DSCAML1: variants seen among roughly 807,000 people sequenced by gnomAD.
The protein encoded by DSCAML1 is cell adhesion molecule DSCAML1.
A neutral mutation model predicts 200.5 loss-of-function variants in DSCAML1; 38 were observed. That is an observed-to-expected ratio of 0.19 (90% CI 0.15 to 0.25). The LOEUF (loss-of-function observed/expected upper bound fraction) is 0.25. DSCAML1 is among the 10% of genes least tolerant of loss of function. The pLI is 1.00. For synonymous variants in DSCAML1, 1,215 were observed against 1,165.0 expected (o/e 1.04, Z -0.87); for missense variants, 2,223 against 2,858.8 (o/e 0.78, Z 5.07).
At chr11:117,627,823 C>A (rs2052086114) in intron 3 of DSCAML1, among the ~76,000 whole-genome samples, 1 of 152,058 alleles carries the variant, frequency 6.6e-6, no homozygotes, top group Non-Finnish European at 1.5e-5. Context: ...TGCCCACATG[C>A]CTCTATTTTT....
At chr11:117,451,349 C>A (rs2048278917) in intron 19 of DSCAML1, among the ~76,000 whole-genome samples, 1 of 152,266 alleles carries the variant, frequency 6.6e-6, no homozygotes, top group South Asian at 2.1e-4. Context: ...AGCTCACACT[C>A]CCTATCCTCA....
chr11:117,639,369 CGGATGGGTAGGAGGCT>C (rs2052355105), intron 3 of DSCAML1, among the ~76,000 whole-genome samples: 2 of 73,542 alleles, frequency 2.7e-5, no homozygotes, highest in East Asian at 3.8e-4. Flanking sequence ...GATGGGAGGC[CGGATGGGTAGGAGGCT>C]GGATGGATGG....
chr11:117,736,251 C>A (rs1483820575), intron 3 of DSCAML1, among the ~76,000 whole-genome samples: 3 of 152,182 alleles, frequency 2.0e-5, no homozygotes, highest in Non-Finnish European at 4.4e-5. Context: ...GAATTTGCGT[C>A]CAGCTTACTC....
intron 23 of DSCAML1, 128 bp from the exon 24 acceptor site, chr11:117,439,111 C>T (rs1202300457): frequency 1.5e-6 from 2 of 1,344,186 alleles, no homozygotes; most frequent in African/African-American, 2.9e-5. Flanking sequence ...CCCCAGCTCT[C>T]CTGCCTCCCC....
At chr11:117,436,014 A>G (rs1426770460) in intron 26 of DSCAML1, among the ~76,000 whole-genome samples, 1 of 152,214 alleles carries the variant, frequency 6.6e-6, no homozygotes, top group African/African-American at 2.4e-5. Flanking sequence ...ATTGCATTTT[A>G]TTAACAAAGT....
rs1288260247 is a variant in DSCAML1, at chr11:117,430,726, G to A, written c.5682C>T (p.Asn1894=). The change falls in exon 32 of 33, where the codon AAC becomes AAT. Residue 1894 remains asparagine, a synonymous_variant. Transcript: ENST00000651296. ...GGAGGTGGTCTGAGCACTCACTCTT[G>A]TTGGCCCGGTGAGGGATGGGCACAG... ...NVAVPIPHRA[N]KSDYCNLPLY... 2 of 1,610,756 alleles carry A rather than the reference G, an allele frequency of 1.2e-6. No individual in the cohort carries two copies. Among genetic ancestry groups the A allele is most frequent in the East Asian group, 2.2e-5 (1 of 44,876 alleles).
chr11:117,532,477 T>A lies in DSCAML1; in HGVS notation c.557A>T (p.Asp186Val). 1 of 1,614,204 alleles carries A rather than the reference T, an allele frequency of 6.2e-7. No homozygotes were observed. The highest frequency in any genetic ancestry group is 8.5e-7 in the Non-Finnish European group (1 of 1,180,026). Residue 186 changes from aspartate (D) to valine (V), a missense_variant, in exon 4 of 33, where the codon GAC becomes GTC. Asp to Val is a radical substitution (Grantham distance 152). Transcript: ENST00000651296. ...ITYHGGLYIS[D>V]VQKEDALSTY... ...GGAGAGGGCGTCCTCCTTCTGTACGTCAGAGATGTACAGCCCGCCGTGGTA... is the reference window on the plus strand; with the variant it reads ...GGAGAGGGCGTCCTCCTTCTGTACGACAGAGATGTACAGCCCGCCGTGGTA...
chr11:117,448,149 C>G (rs894555508), intron 20 of DSCAML1, among the ~76,000 whole-genome samples: 2 of 152,184 alleles, frequency 1.3e-5, no homozygotes, highest in Non-Finnish European at 2.9e-5. Context: ...TGTTCCGGAG[C>G]CCGGGAGAGG....
chr11:117,625,518 A>C (rs2137559508), intron 3 of DSCAML1, among the ~76,000 whole-genome samples: 1 of 152,212 alleles, frequency 6.6e-6, no homozygotes, highest in Middle Eastern at 3.4e-3. Context: ...GAAAGGAGGA[A>C]ACTGGGTCCC....
At chr11:117,439,022 G>A (rs1016504992) in intron 23 of DSCAML1, 39 bp from the exon 24 acceptor site, 2 of 1,564,502 alleles carry the variant, frequency 1.3e-6, no homozygotes, top group African/African-American at 2.7e-5. Context: ...CACAAGGGCG[G>A]ACCCTGTGAT....
At chr11:117,759,007 G>A (rs1029326092) in intron 3 of DSCAML1, among the ~76,000 whole-genome samples, 3 of 152,082 alleles carry the variant, frequency 2.0e-5, no homozygotes, top group African/African-American at 4.8e-5. Flanking sequence ...AAACACACAC[G>A]CTGATATGCA....
intron 3 of DSCAML1, among the ~76,000 whole-genome samples, chr11:117,586,610 C>A (rs1018540263): frequency 6.6e-6 from 1 of 152,112 alleles, no homozygotes; most frequent in Non-Finnish European, 1.5e-5. Context: ...AGACAGGAGG[C>A]GGGAAGCAGG....
chr11:117,797,191 T>C lies in DSCAML1; in HGVS notation c.-112A>G. On this transcript the variant is annotated 5_prime_UTR_variant, in exon 1 of 33. Transcript: ENST00000651296. ...CGCCCGCACTCGGCGCCCCGCTCTC[T>C]CTGCTCCTCAGCCCAGCGCTCGGCT... 1 of 1,553,594 alleles carries C rather than the reference T, an allele frequency of 6.4e-7. No individual in the cohort carries two copies.
At chr11:117,763,314 T>C (rs1327579772) in intron 3 of DSCAML1, among the ~76,000 whole-genome samples, 1 of 151,992 alleles carries the variant, frequency 6.6e-6, no homozygotes, top group African/African-American at 2.4e-5. Flanking sequence ...CCCAGGCATC[T>C]GCAGTCGTTA....
intron 3 of DSCAML1, among the ~76,000 whole-genome samples, chr11:117,719,503 A>T (rs1249484084): frequency 6.6e-6 from 1 of 152,252 alleles, no homozygotes; most frequent in Non-Finnish European, 1.5e-5. Flanking sequence ...GTTGACCAAG[A>T]TCACAAAGTT....
chr11:117,789,187 G>C (rs749808775), intron 1 of DSCAML1, among the ~76,000 whole-genome samples: 1 of 152,116 alleles, frequency 6.6e-6, no homozygotes, highest in Non-Finnish European at 1.5e-5. Context: ...AGAAACCTGC[G>C]AGGTCCAGTG....
chr11:117,720,524 C>T (rs748846036), intron 3 of DSCAML1, among the ~76,000 whole-genome samples: 1 of 152,184 alleles, frequency 6.6e-6, no homozygotes, highest in Non-Finnish European at 1.5e-5. Flanking sequence ...CAAGAGAACA[C>T]GCGAATGAAG....
intron 3 of DSCAML1, among the ~76,000 whole-genome samples, chr11:117,541,861 G>A (rs542266956): frequency 2.9e-5 from 4 of 139,040 alleles, no homozygotes; most frequent in Admixed American, 7.0e-5. Context: ...GTCCCTCTCC[G>A]ACTAAAGATG....
intron 3 of DSCAML1, among the ~76,000 whole-genome samples, chr11:117,770,368 T>C (rs1266886895): frequency 6.6e-6 from 1 of 152,100 alleles, no homozygotes; most frequent in Non-Finnish European, 1.5e-5. Context: ...GACTCATAAG[T>C]AGTTAAGAGC....
Sources: gnomAD v4.1 joint callset for allele counts (sites outside exome capture counted in the v4.1 genomes callset) on GRCh38, gnomAD v4.1.1 for gene constraint, MANE v1.5 for transcripts, NCBI Gene and HGNC (gene_info 2026-07-23, HGNC 2026-07-21) for gene names.